CYLC2: variants seen among roughly 807,000 people sequenced by gnomAD.
The protein encoded by CYLC2 is cylicin-2.
In CYLC2, 30 loss-of-function variants were observed where a neutral mutation model predicts 26.1. That is an observed-to-expected ratio of 1.15 (90% CI 0.86 to 1.56). CYLC2 has a LOEUF of 1.56. Among genes scored for constraint, CYLC2 ranks in the 40% most tolerant of loss-of-function variants. CYLC2 has a pLI of 0.00. For synonymous variants in CYLC2, 158 were observed against 132.8 expected, an observed-to-expected ratio of 1.19 and a Z score of -1.31; for missense variants, 498 against 394.4, an observed-to-expected ratio of 1.26 and a Z score of -2.23.
intron 1 of CYLC2, among the ~76,000 whole-genome samples, chr9:103,000,255 T>A (rs1478764667): frequency 6.6e-6 from 1 of 151,978 alleles, no homozygotes; most frequent in Non-Finnish European, 1.5e-5. Flanking sequence ...ATTGTCTAGA[T>A]AATTTTATTA....
intron 5 of CYLC2, among the ~76,000 whole-genome samples, chr9:103,007,471 AAC>A (rs1303530989): frequency 6.6e-6 from 1 of 152,160 alleles, no homozygotes; most frequent in Non-Finnish European, 1.5e-5. Flanking sequence ...ACCAAAATTT[AAC>A]AGAGTGTAAC....
chr9:103,005,262 G>T lies in CYLC2; in HGVS notation c.631G>T (p.Gly211Ter). The change falls in exon 5 of 8, where the codon GGA becomes TGA. Residue 211 changes from glycine to a stop codon, truncating the protein, a stop_gained. Coordinates refer to ENST00000374798, the MANE Select transcript of CYLC2 (RefSeq NM_001340.5). LOFTEE classifies it high-confidence loss of function. ...DSATESEGEK[G>*]GTEKDSKKGK... ...GGCAACAGAATCTGAAGGTGAAAAA[G>T]GAGGTACAGAGAAAGATAGCAAAAA... The T allele has an allele frequency of 1.2e-6, 2 of 1,613,434 alleles. No individual in the cohort carries two copies. Among genetic ancestry groups the T allele is most frequent in the Non-Finnish European group, 1.7e-6 (2 of 1,179,832 alleles).
At chr9:102,995,708 G>A (rs1829230233) in intron 1 of CYLC2, among the ~76,000 whole-genome samples, 1 of 151,640 alleles carries the variant, frequency 6.6e-6, no homozygotes, top group East Asian at 1.9e-4. Flanking sequence ...AATAATTCAT[G>A]ATTTTCAGTC....
rs200311032 is a variant in CYLC2 at position 103,009,995 on chromosome 9, GTA to G, written c.*701-1972_*701-1971del. Among the ~76,000 whole-genome samples the G allele has an allele frequency of 4.3e-3, 612 of 142,822 alleles. 1 individual carries two copies. The highest frequency in any genetic ancestry group is 0.014 in the East Asian group (68 of 4,870). The allele number at this position is 142,822 out of a possible 152,430, so 93.7% of individuals were successfully genotyped here. ...AATTTATTACATTTTACATGTATGT[GTA>G]TATATATATATATACATGTCAATAT... On this transcript the variant is annotated intron_variant, in intron 5 of 7. Coordinates refer to ENST00000374798, the MANE Select transcript of CYLC2 (RefSeq NM_001340.5).
chr9:103,018,068 C>T (rs1020242750), intron 7 of CYLC2, among the ~76,000 whole-genome samples: 59 of 152,050 alleles, frequency 3.9e-4, no homozygotes, highest in African/African-American at 1.4e-3. Flanking sequence ...TATCCCACAA[C>T]GAAGGTATAT....
chr9:103,015,175 C>T (rs376781899), intron 6 of CYLC2, among the ~76,000 whole-genome samples: 4 of 18,366 alleles, frequency 2.2e-4, no homozygotes, highest in African/African-American at 7.7e-4. Context: ...ATGTATATCA[C>T]GTGATATACA....
chr9:103,015,680 G>T (rs940491854), intron 6 of CYLC2, among the ~76,000 whole-genome samples: 1 of 148,534 alleles, frequency 6.7e-6, no homozygotes, highest in Non-Finnish European at 1.5e-5. Flanking sequence ...AGAGTAGCTC[G>T]TTTTTGTCTA....
At chr9:103,013,451 A>C (rs1449867292) in intron 6 of CYLC2, among the ~76,000 whole-genome samples, 1 of 108,082 alleles carries the variant, frequency 9.3e-6, no homozygotes, top group Non-Finnish European at 1.7e-5. Flanking sequence ...AGAAATATAT[A>C]TTTATCTATT....
intron 1 of CYLC2, among the ~76,000 whole-genome samples, chr9:103,001,369 C>T (rs188398032): frequency 4.0e-4 from 60 of 151,556 alleles, no homozygotes; most frequent in Admixed American, 1.4e-3. Flanking sequence ...TTTGTTTGAT[C>T]GACCATTATT....
intron 6 of CYLC2, among the ~76,000 whole-genome samples, chr9:103,013,169 A>T (rs1310668989): frequency 7.4e-6 from 1 of 135,196 alleles, no homozygotes; most frequent in Non-Finnish European, 1.5e-5. Flanking sequence ...ATATTATATA[A>T]ATATATATTT....
intron 6 of CYLC2, among the ~76,000 whole-genome samples, chr9:103,013,616 A>G (rs1344256437): frequency 9.1e-6 from 1 of 109,836 alleles, no homozygotes; most frequent in Non-Finnish European, 1.6e-5. Context: ...TATTTTATAT[A>G]TAATATGTTA....
chr9:103,004,781 T>C lies in CYLC2; in HGVS notation c.267T>C (p.Ser89=). The part of the protein sequence containing the change: ...RSLMRISERP[S]VYLAARRQPL... The stretch of plus-strand genomic sequence containing the variant: ...TAATGAGAATTTCTGAGAGACCATC[T>C]GTTTATTTAGCTGCCAGGAGGCAGC... The change falls in exon 4 of 8, where the codon TCT becomes TCC. Residue 89 remains serine, a synonymous_variant. Transcript: ENST00000374798. The C allele has an allele frequency of 6.2e-7, 1 of 1,612,810 alleles. No individual in the cohort carries two copies. The highest frequency in any genetic ancestry group is 8.5e-7 in the Non-Finnish European group (1 of 1,179,410).
chr9:103,011,407 A>G (rs766388354), intron 5 of CYLC2, among the ~76,000 whole-genome samples: 14 of 152,084 alleles, frequency 9.2e-5, no homozygotes, highest in Non-Finnish European at 1.9e-4. Flanking sequence ...CATAGCTTTG[A>G]TGGCTAAGTA....
chr9:103,000,961 C>T (rs192018338), intron 1 of CYLC2, among the ~76,000 whole-genome samples: 4 of 151,870 alleles, frequency 2.6e-5, no homozygotes, highest in African/African-American at 9.6e-5. Context: ...AAATGGAAAA[C>T]AATTTGCAAT....
In CYLC2 at chr9:103,004,752, T is replaced by A; in HGVS notation, c.238T>A (p.Ser80Thr). The stretch of plus-strand genomic sequence containing the variant: ...TAGACAACCATTATGGATGTACCGT[T>A]CTTTAATGAGAATTTCTGAGAGACC... Reference protein sequence around the residue: ...DRRQPLWMYRSLMRISERPSV... With the variant: ...DRRQPLWMYRTLMRISERPSV... The change falls in exon 4 of 8, where the codon TCT becomes ACT. Residue 80 changes from serine (S) to threonine (T), a missense_variant. Ser to Thr is a moderately conservative substitution (Grantham distance 58). Transcript: ENST00000374798. 1 of 1,610,834 alleles carries A rather than the reference T, an allele frequency of 6.2e-7. No homozygotes were observed. The highest frequency in any genetic ancestry group is 1.1e-5 in the South Asian group (1 of 90,434).
At chr9:102,995,468 A>G in intron 1 of CYLC2, 71 bp downstream of exon 1, 1 of 1,143,160 alleles carries the variant, frequency 8.7e-7, no homozygotes, top group South Asian at 1.2e-5. Flanking sequence ...TTTAGTATGA[A>G]GAGATATTTA....
At position 103,003,208 on chromosome 9, in the gene CYLC2, G is replaced by A. The variant is rs148483654; in HGVS notation, c.125G>A (p.Arg42Gln). Residue 42 changes from arginine (R) to glutamine (Q), a missense_variant, in exon 3 of 8, where the codon CGG becomes CAG. Physicochemically the swap from Arg to Gln is conservative, Grantham distance 43 (BLOSUM62 1). Transcript: ENST00000374798. ...HFALLFPKPQ[R>Q]PGTKRRSKPS... is the part of the protein sequence containing the mutation. ...GCCCTGTTATTTCCCAAACCACAAC[G>A]GCCAGGAACCAAAAGGAGATCAAAA... is the stretch of plus-strand genomic sequence containing the variant. The A allele has an allele frequency of 4.0e-5, 64 of 1,613,596 alleles. No homozygotes were observed. In the African/African-American group the frequency reaches 7.7e-4, roughly 20 times the overall value.
In CYLC2 at chr9:103,005,051, T is replaced by C; in HGVS notation, c.420T>C (p.Asp140=). 2 of 1,598,352 alleles carry C rather than the reference T, an allele frequency of 1.3e-6. No homozygotes were observed. The highest frequency in any genetic ancestry group is 1.7e-6 in the Non-Finnish European group (2 of 1,176,016). The change falls in exon 5 of 8, where the codon GAT becomes GAC. Residue 140 remains aspartate, a synonymous_variant. Coordinates refer to ENST00000374798, the MANE Select transcript of CYLC2 (RefSeq NM_001340.5). ...CAGAATTAAAACAAGGAAAAAAAGA[T>C]TCAAAGAAAGGCAAGGATATAGAGA... ...SESELKQGKK[D]SKKGKDIEKG...
chr9:102,995,482 T>C (rs1829228319), intron 1 of CYLC2, 85 bp downstream of exon 1: 2 of 968,164 alleles, frequency 2.1e-6, no homozygotes, highest in East Asian at 2.4e-5. Context: ...ATATTTATTA[T>C]ATTATTATGA....
Sources: allele counts gnomAD v4.1 joint callset (sites outside exome capture counted in the v4.1 genomes callset), GRCh38; gene constraint gnomAD v4.1.1; transcripts MANE v1.5; gene names NCBI Gene and HGNC (gene_info 2026-07-23, HGNC 2026-07-21).